IMMP2L: variants seen among roughly 807,000 people sequenced by gnomAD.
IMMP2L encodes mitochondrial inner membrane protease subunit 2.
IMMP2L carries 18 observed loss-of-function variants against 19.3 expected under a neutral mutation model. The observed-to-expected ratio is 0.93, with a 90% CI of 0.64 to 1.38. IMMP2L has a LOEUF of 1.38. Among genes scored for constraint, IMMP2L ranks in the 40% most tolerant of loss-of-function variants. The pLI is 0.00. For synonymous variants in IMMP2L, 76 were observed against 73.0 expected, an observed-to-expected ratio of 1.04 and a Z score of -0.21; for missense variants, 233 against 218.2, an observed-to-expected ratio of 1.07 and a Z score of -0.43.
At chr7:111,413,916 G>C (rs1361190249) in intron 3 of IMMP2L, among the ~76,000 whole-genome samples, 1 of 151,684 alleles carries the variant, frequency 6.6e-6, no homozygotes, top group African/African-American at 2.4e-5. Flanking sequence ...ATGGCAATCA[G>C]CATCACAAAG....
At chr7:110,766,583 A>T (rs1307209893) in intron 5 of IMMP2L, among the ~76,000 whole-genome samples, 1 of 102,244 alleles carries the variant, frequency 9.8e-6, no homozygotes, top group African/African-American at 7.1e-5. Context: ...ACTTCATTTA[A>T]AAAAAAAAAA....
rs116009011 is a variant in IMMP2L at position 111,558,316 on chromosome 7, A to G, written c.-3+3535T>C. On this transcript the variant is annotated intron_variant, in intron 1 of 5. Transcript: ENST00000405709. ...CAATACCATGGGTAGTTCCCCTCCA[A>G]TGGAGCCACAGGTCCAGGCCAGTGA... Among the ~76,000 whole-genome samples the G allele has an allele frequency of 1.0e-2, 1,517 of 152,220 alleles. 38 individuals carry two copies. Among genetic ancestry groups the G allele is most frequent in the African/African-American group, 0.035 (1,446 of 41,544 alleles).
chr7:111,289,253 C>T (rs947908010), intron 3 of IMMP2L, among the ~76,000 whole-genome samples: 1 of 150,600 alleles, frequency 6.6e-6, no homozygotes, highest in Non-Finnish European at 1.5e-5. Flanking sequence ...GAACATCACA[C>T]ATGGGGGCTT....
chr7:110,967,117 C>T (rs1310403086), intron 3 of IMMP2L, among the ~76,000 whole-genome samples: 1 of 152,122 alleles, frequency 6.6e-6, no homozygotes, highest in East Asian at 1.9e-4. Flanking sequence ...GATGAGGAGC[C>T]TAGAATTGTT....
At chr7:110,826,105 A>T (rs1038534625) in intron 5 of IMMP2L, among the ~76,000 whole-genome samples, 2 of 152,260 alleles carry the variant, frequency 1.3e-5, no homozygotes, top group Non-Finnish European at 2.9e-5. Flanking sequence ...ATCACTGGCC[A>T]TCAGAGAAAT....
chr7:110,951,116 G>T (rs1424086613), intron 4 of IMMP2L, among the ~76,000 whole-genome samples: 1 of 151,258 alleles, frequency 6.6e-6, no homozygotes, highest in Non-Finnish European at 1.5e-5. Context: ...ACCAGGAGCT[G>T]GGGGAGGTGG....
intron 3 of IMMP2L, among the ~76,000 whole-genome samples, chr7:111,021,459 G>A (rs1044302424): frequency 2.0e-5 from 3 of 152,246 alleles, no homozygotes; most frequent in African/African-American, 4.8e-5. Context: ...AAGGAAAGAA[G>A]TTTAATGGAC....
At chr7:110,874,111 G>C (rs1359533494) in intron 5 of IMMP2L, among the ~76,000 whole-genome samples, 1 of 152,000 alleles carries the variant, frequency 6.6e-6, no homozygotes, top group Non-Finnish European at 1.5e-5. Context: ...GATGTTTTTG[G>C]CTGGCTTTTA....
At chr7:111,526,782 G>A (rs555518005) in intron 1 of IMMP2L, among the ~76,000 whole-genome samples, 2 of 152,242 alleles carry the variant, frequency 1.3e-5, no homozygotes, top group South Asian at 4.1e-4. Flanking sequence ...ATGGAAACAT[G>A]TCTTCTCTTT....
chr7:110,717,083 TGAA>T (rs1584595445), intron 5 of IMMP2L, among the ~76,000 whole-genome samples: 1 of 152,152 alleles, frequency 6.6e-6, no homozygotes, highest in South Asian at 2.1e-4. Context: ...CAACTTGGAA[TGAA>T]GAAGAAGGTA....
intron 1 of IMMP2L, among the ~76,000 whole-genome samples, chr7:111,525,916 A>AAG (rs1846799734): frequency 6.6e-6 from 1 of 152,128 alleles, no homozygotes; most frequent in South Asian, 2.1e-4. Context: ...ATGGCCCTGA[A>AAG]GCATGACAGC....
chr7:110,959,261 C>G (rs972192773), intron 4 of IMMP2L, among the ~76,000 whole-genome samples: 1 of 151,890 alleles, frequency 6.6e-6, no homozygotes, highest in Non-Finnish European at 1.5e-5. Flanking sequence ...CTAATAATAT[C>G]CAGTAATATC....
chr7:111,383,536 G>A (rs1341133757), intron 3 of IMMP2L, among the ~76,000 whole-genome samples: 1 of 152,110 alleles, frequency 6.6e-6, no homozygotes, highest in Non-Finnish European at 1.5e-5. Flanking sequence ...AAGACTCATG[G>A]TTCAACACTC....
At chr7:111,529,785 A>T (rs1263481909) in intron 1 of IMMP2L, among the ~76,000 whole-genome samples, 1 of 152,176 alleles carries the variant, frequency 6.6e-6, no homozygotes, top group Non-Finnish European at 1.5e-5. Context: ...AAGCATCTGG[A>T]TACTAAGAGA....
intron 3 of IMMP2L, among the ~76,000 whole-genome samples, chr7:111,049,083 T>G (rs187903611): frequency 7.1e-4 from 107 of 150,804 alleles, no homozygotes; most frequent in African/African-American, 2.4e-3. Flanking sequence ...GAAACTGCTC[T>G]GTTTAAGCTT....
At chr7:110,864,438 C>T (rs1807775565) in intron 5 of IMMP2L, among the ~76,000 whole-genome samples, 1 of 151,976 alleles carries the variant, frequency 6.6e-6, no homozygotes, top group East Asian at 1.9e-4. Context: ...ATTGCTGCTA[C>T]TATTAATAGA....
At chr7:110,880,950 G>C (rs1296554855) in intron 5 of IMMP2L, among the ~76,000 whole-genome samples, 1 of 152,030 alleles carries the variant, frequency 6.6e-6, no homozygotes, top group Non-Finnish European at 1.5e-5. Context: ...TAAGACATAA[G>C]ACAAAATTTG....
chr7:110,969,330 T>G (rs1269926607), intron 3 of IMMP2L, among the ~76,000 whole-genome samples: 2 of 152,186 alleles, frequency 1.3e-5, no homozygotes, highest in Admixed American at 6.5e-5. Flanking sequence ...TTCAGCTACC[T>G]TTTTCCCCTT....
At chr7:110,928,733 T>C (rs896539009) in intron 4 of IMMP2L, among the ~76,000 whole-genome samples, 26 of 152,110 alleles carry the variant, frequency 1.7e-4, no homozygotes, top group African/African-American at 6.0e-4. Flanking sequence ...AACACACTAA[T>C]AGGAATATAA....
Sources: gnomAD v4.1 joint callset for allele counts (sites outside exome capture counted in the v4.1 genomes callset) on GRCh38, gnomAD v4.1.1 for gene constraint, MANE v1.5 for transcripts, NCBI Gene and HGNC (gene_info 2026-07-23, HGNC 2026-07-21) for gene names.